Variants in TOP6BL observed in about 807,000 individuals in gnomAD.
TOP6BL encodes the protein TOP6B like initiator of meiotic double strand breaks.
At chr11:66,777,052 T>C in the TOP6BL span, among the ~76,000 whole-genome samples, 1 of 150,264 alleles carries the variant, frequency 6.7e-6, no homozygotes, top group Non-Finnish European at 1.5e-5. Context: ...ACTATATCTA[T>C]ATATCTATAT....
chr11:66,748,563 T>G, the TOP6BL span: 30 of 1,417,042 alleles, frequency 2.1e-5, no homozygotes, highest in Non-Finnish European at 2.8e-5. Flanking sequence ...TTGTCATGGT[T>G]TATGTCGTAG....
the TOP6BL span, among the ~76,000 whole-genome samples, chr11:66,794,777 T>C: frequency 0.51 from 77,485 of 152,026 alleles, 22,176 homozygotes; most frequent in African/African-American, 0.79. Flanking sequence ...CTGGCTATAC[T>C]ACTGAACAGC....
the TOP6BL span, among the ~76,000 whole-genome samples, chr11:66,824,322 C>T: frequency 3.3e-5 from 5 of 151,302 alleles, no homozygotes; most frequent in Middle Eastern, 3.5e-3. Flanking sequence ...CTTGGCTCAC[C>T]GCAACCTCCG....
At chr11:66,763,477 T>TATG in the TOP6BL span, among the ~76,000 whole-genome samples, 3 of 152,010 alleles carry the variant, frequency 2.0e-5, no homozygotes, top group Non-Finnish European at 4.4e-5. Context: ...TAAACATTAT[T>TATG]ATTATTATTA....
chr11:66,836,422 G>T, the TOP6BL span, among the ~76,000 whole-genome samples: 2 of 151,812 alleles, frequency 1.3e-5, no homozygotes, highest in Non-Finnish European at 2.9e-5. Context: ...TGTTAGCCAG[G>T]ATGGTCTCAA....
At chr11:66,760,258 A>G in the TOP6BL span, among the ~76,000 whole-genome samples, 15 of 147,370 alleles carry the variant, frequency 1.0e-4, no homozygotes, top group East Asian at 4.2e-4. Flanking sequence ...AGACTGGTCA[A>G]CATGGTGAAT....
chr11:66,761,123 G>A, the TOP6BL span, among the ~76,000 whole-genome samples: 4 of 151,850 alleles, frequency 2.6e-5, no homozygotes, highest in Non-Finnish European at 5.9e-5. Flanking sequence ...TGTAATCCCA[G>A]CACTTTGGGA....
the TOP6BL span, among the ~76,000 whole-genome samples, chr11:66,836,178 T>C: frequency 6.6e-6 from 1 of 152,236 alleles, no homozygotes; most frequent in Admixed American, 6.5e-5. Context: ...TTTGTATATC[T>C]TCTTTGAAGA....
At chr11:66,809,629 GATAA>G in the TOP6BL span, among the ~76,000 whole-genome samples, 10 of 152,186 alleles carry the variant, frequency 6.6e-5, no homozygotes, top group Non-Finnish European at 1.3e-4. Flanking sequence ...GCATACTTAT[GATAA>G]ATAATTATGT....
At chr11:66,762,068 G>A in the TOP6BL span, 1 of 1,276,080 alleles carries the variant, frequency 7.8e-7, no homozygotes, top group Non-Finnish European at 1.1e-6. Flanking sequence ...TTTAGCTTCT[G>A]TCCCATTCAG....
the TOP6BL span, among the ~76,000 whole-genome samples, chr11:66,785,539 C>A: frequency 6.6e-6 from 1 of 152,148 alleles, no homozygotes; most frequent in Non-Finnish European, 1.5e-5. Flanking sequence ...TGACAACTGT[C>A]CCGTAGGAGG....
At chr11:66,789,910 G>A in the TOP6BL span, among the ~76,000 whole-genome samples, 2 of 152,284 alleles carry the variant, frequency 1.3e-5, no homozygotes, top group South Asian at 4.2e-4. Flanking sequence ...TATTCATCCA[G>A]ACGTGTGTTT....
chr11:66,754,937 T>A, the TOP6BL span, among the ~76,000 whole-genome samples: 5 of 152,158 alleles, frequency 3.3e-5, no homozygotes, highest in South Asian at 8.3e-4. Context: ...TTCAACAGAC[T>A]CTCCTTAATT....
the TOP6BL span, chr11:66,800,764 C>A: frequency 2.2e-6 from 3 of 1,355,396 alleles, no homozygotes; most frequent in Non-Finnish European, 3.0e-6. Flanking sequence ...TATTATTGTC[C>A]TATTTCCAAA....
chr11:66,762,873 C>T, the TOP6BL span, among the ~76,000 whole-genome samples: 6 of 152,298 alleles, frequency 3.9e-5, no homozygotes, highest in South Asian at 1.2e-3. Context: ...AACAATTCTA[C>T]CTTTTGAAAC....
chr11:66,774,718 G>A, the TOP6BL span, among the ~76,000 whole-genome samples: 1 of 151,858 alleles, frequency 6.6e-6, no homozygotes, highest in Non-Finnish European at 1.5e-5. Context: ...TGATCCGCCC[G>A]CCTTTGCCTC....
chr11:66,761,632 C>T, the TOP6BL span: 3 of 1,219,782 alleles, frequency 2.5e-6, no homozygotes, highest in Non-Finnish European at 3.4e-6. Context: ...ACGCCTGGTG[C>T]TCCGGGGCTG....
the TOP6BL span, chr11:66,821,557 C>T: frequency 8.9e-6 from 13 of 1,452,712 alleles, no homozygotes; most frequent in Non-Finnish European, 1.2e-5. Flanking sequence ...TTACAGGCCA[C>T]ATCTGGTAAT....
At chr11:66,818,344 C>G in the TOP6BL span, among the ~76,000 whole-genome samples, 5 of 152,200 alleles carry the variant, frequency 3.3e-5, no homozygotes, top group Admixed American at 2.6e-4. Flanking sequence ...GAGAGAAGCA[C>G]TGTTTCCTGG....
Sources: gnomAD v4.1 joint callset for allele counts (sites outside exome capture counted in the v4.1 genomes callset) on GRCh38, gnomAD v4.1.1 for gene constraint, MANE v1.5 for transcripts, NCBI Gene and HGNC (gene_info 2026-07-23, HGNC 2026-07-21) for gene names.